The following PCDHB3 variants were observed in gnomAD, a reference collection of about 807,000 sequenced individuals.
The protein encoded by PCDHB3 is protocadherin beta 3, also known as protocadherin beta-3.
For missense variants in PCDHB3, 967 were observed against 1,012.1 expected (o/e 0.96, Z 0.60); for synonymous variants, 479 against 456.0 (o/e 1.05, Z -0.64).
Position 141,101,165 on chromosome 5 carries a change from C to A in PCDHB3, c.516C>A (p.Ile172=). 1 of 1,614,136 alleles carries A rather than the reference C, an allele frequency of 6.2e-7. No individual in the cohort carries two copies. Among genetic ancestry groups the A allele is most frequent in the Non-Finnish European group, 8.5e-7 (1 of 1,180,040 alleles). ...VGRNSLQNYT[I]TPNSHFHVLT... Reference sequence around the variant, plus strand: ...GAAACAGCCTCCAAAACTACACTATCACTCCGAATTCCCACTTCCACGTAC... The same window carrying A: ...GAAACAGCCTCCAAAACTACACTATAACTCCGAATTCCCACTTCCACGTAC... The change falls in exon 1 of 1, where the codon ATC becomes ATA. Residue 172 remains isoleucine, a synonymous_variant. Coordinates refer to ENST00000231130, the MANE Select transcript of PCDHB3 (RefSeq NM_018937.5).
chr5:141,101,940 C>G lies in PCDHB3; in HGVS notation c.1291C>G (p.Leu431Val). Reference protein sequence around the residue: ...ITITDLGTPRLKTKYNITVLV... With the variant: ...ITITDLGTPRVKTKYNITVLV... ...TATCACTGACCTGGGGACACCCAGG[C>G]TGAAAACCAAGTACAACATAACCGT... is the stretch of plus-strand genomic sequence containing the variant. The change falls in exon 1 of 1, where the codon CTG (leucine) becomes GTG (valine). Residue 431 changes from leucine (L) to valine (V), a missense_variant. Coordinates refer to ENST00000231130, the MANE Select transcript of PCDHB3 (RefSeq NM_018937.5). 1 of 1,614,044 alleles carries G rather than the reference C, an allele frequency of 6.2e-7. No homozygotes were observed. The highest frequency in any genetic ancestry group is 8.5e-7 in the Non-Finnish European group (1 of 1,180,028).
Position 141,103,255 on chromosome 5 carries a change from T to A in PCDHB3, c.*215T>A. ...GTTTTGTATTTCAATCGAGAATCCT[T>A]AGTCGATAGAACATTTTGTTTATAT... is the stretch of plus-strand genomic sequence containing the variant. On this transcript the variant is annotated 3_prime_UTR_variant, in exon 1 of 1. Coordinates refer to ENST00000231130, the MANE Select transcript of PCDHB3 (RefSeq NM_018937.5). The A allele has an allele frequency of 4.1e-6, 2 of 492,392 alleles. No individual in the cohort carries two copies. Among genetic ancestry groups the A allele is most frequent in the Middle Eastern group, 4.8e-4 (1 of 2,086 alleles). 30.5% of individuals were successfully genotyped at this position (492,392 alleles called of 1,614,324 possible). A position where few individuals can be genotyped will look rare whatever the true frequency, so the allele number is the denominator to read the frequency against.
rs1443496486 is a variant in PCDHB3 at position 141,103,466 on chromosome 5, TAG to T, written c.*433_*434del. On this transcript the variant is annotated 3_prime_UTR_variant, in exon 1 of 1. Coordinates refer to ENST00000231130, the MANE Select transcript of PCDHB3 (RefSeq NM_018937.5). ...TCAAATTTTACATTATAAAGCAATG[TAG>T]AGAGAGTTCCAAACCACCAATTTTA... is the stretch of plus-strand genomic sequence containing the variant. 3.8e-5 allele frequency: 6 copies of T among 156,900 alleles called. No homozygotes were observed. Among genetic ancestry groups the T allele is most frequent in the African/African-American group, 1.2e-4 (5 of 41,514 alleles). The allele number at this position is 156,900 out of a possible 1,614,324, so 9.7% of individuals were successfully genotyped here. A position where few individuals can be genotyped will look rare whatever the true frequency, so the allele number is the denominator to read the frequency against.
Position 141,101,073 on chromosome 5 carries a change from A to G in PCDHB3, c.424A>G (p.Ile142Val), listed in dbSNP as rs782514398. 1.2e-6 allele frequency: 2 copies of G among 1,614,202 alleles called. No homozygotes were observed. The highest frequency in any genetic ancestry group is 2.2e-5 in the South Asian group (2 of 91,082). ...CTTTGAAAATGAAATGCATCTGAAA[A>G]TCCTAGAAAGCACTCTGCCAGGAAC... ...VFFENEMHLK[I>V]LESTLPGTVI... The change falls in exon 1 of 1, where the codon ATC becomes GTC. Residue 142 changes from isoleucine (I) to valine (V), a missense_variant. By Grantham distance (29) the Ile-to-Val change is conservative. Transcript: ENST00000231130.
Position 141,100,836 on chromosome 5 carries a change from G to A in PCDHB3, c.187G>A (p.Gly63Arg). Residue 63 changes from glycine to arginine, a missense_variant, in exon 1 of 1, where the codon GGG becomes AGG. Physicochemically the swap from Gly to Arg is moderately radical, Grantham distance 125 (BLOSUM62 -2). Transcript: ENST00000231130. ...GLRVEELAARGAQVVSKGNKQ... is the reference protein window; with the variant it reads ...GLRVEELAARRAQVVSKGNKQ... Reference sequence around the variant, plus strand: ...AAGGGTAGAGGAACTGGCCGCGAGGGGGGCCCAAGTTGTGTCCAAAGGGAA... The same window carrying A: ...AAGGGTAGAGGAACTGGCCGCGAGGAGGGCCCAAGTTGTGTCCAAAGGGAA... 2 of 1,614,110 alleles carry A rather than the reference G, an allele frequency of 1.2e-6. No individual in the cohort carries two copies. Among genetic ancestry groups the A allele is most frequent in the South Asian group, 1.1e-5 (1 of 91,078 alleles).
In PCDHB3 at chr5:141,101,916, A is replaced by G. The variant is rs781952244; in HGVS notation, c.1267A>G (p.Ile423Val). 3 of 1,614,112 alleles carry G rather than the reference A, an allele frequency of 1.9e-6. No homozygotes were observed. The highest frequency in any genetic ancestry group is 1.1e-5 in the South Asian group (1 of 91,080). Reference sequence around the variant, plus strand: ...ATCCGAGTACAACATTACCATCACTATCACTGACCTGGGGACACCCAGGCT... The same window carrying G: ...ATCCGAGTACAACATTACCATCACTGTCACTGACCTGGGGACACCCAGGCT... Reference protein sequence around the residue: ...TRSEYNITITITDLGTPRLKT... With the variant: ...TRSEYNITITVTDLGTPRLKT... The change falls in exon 1 of 1, where the codon ATC becomes GTC. Residue 423 changes from isoleucine to valine, a missense_variant. Coordinates refer to ENST00000231130, the MANE Select transcript of PCDHB3 (RefSeq NM_018937.5).
chr5:141,100,539 A>G lies in PCDHB3; in HGVS notation c.-111A>G, dbSNP rs1229429918. The G allele has an allele frequency of 7.2e-6, 6 of 838,894 alleles. No individual in the cohort carries two copies. The highest frequency in any genetic ancestry group is 1.1e-5 in the Non-Finnish European group (6 of 533,128). 52.0% of individuals were successfully genotyped at this position (838,894 alleles called of 1,614,324 possible). A position where few individuals can be genotyped will look rare whatever the true frequency, so the allele number is the denominator to read the frequency against. On this transcript the variant is annotated 5_prime_UTR_variant, in exon 1 of 1. Coordinates refer to ENST00000231130, the MANE Select transcript of PCDHB3 (RefSeq NM_018937.5). The stretch of plus-strand genomic sequence containing the variant: ...AGCCAGCAAGTCTGAGCCTCTGGAA[A>G]GGCTTATTCACTAGGCCGTCTACAA...
Position 141,102,152 on chromosome 5 carries a change from T to C in PCDHB3, c.1503T>C (p.Ser501=), listed in dbSNP as rs782713272. ...LPPQDPHLPL[S]SLVSINADNG... is the part of the protein sequence containing the mutation. ...CCCAGGACCCGCACCTGCCCCTCTC[T>C]TCCCTGGTCTCCATCAACGCGGACA... The change falls in exon 1 of 1, where the codon TCT becomes TCC. Residue 501 remains serine, a synonymous_variant. Coordinates refer to ENST00000231130, the MANE Select transcript of PCDHB3 (RefSeq NM_018937.5). 45 of 1,612,840 alleles carry C rather than the reference T, an allele frequency of 2.8e-5. No homozygotes were observed. Among genetic ancestry groups the C allele is most frequent in the Admixed American group, 5.0e-5 (3 of 59,990 alleles).
chr5:141,103,076 A>T lies in PCDHB3; in HGVS notation c.*36A>T, dbSNP rs367763444. On this transcript the variant is annotated 3_prime_UTR_variant, in exon 1 of 1. Transcript: ENST00000231130. ...GGATCTACTGAGCCTCGTCTTAGTT[A>T]ATCTGTGGAAAGTCCTTTTTTACTG... 237 of 1,561,882 alleles carry T rather than the reference A, an allele frequency of 1.5e-4. No homozygotes were observed. Among genetic ancestry groups the T allele is most frequent in the Middle Eastern group, 8.7e-4 (5 of 5,778 alleles).
rs1369629257 is a variant in PCDHB3 at position 141,101,930 on chromosome 5, G to A, written c.1281G>A (p.Gly427=). The change falls in exon 1 of 1, where the codon GGG becomes GGA. Residue 427 remains glycine, a synonymous_variant. Coordinates refer to ENST00000231130, the MANE Select transcript of PCDHB3 (RefSeq NM_018937.5). ...YNITITITDL[G]TPRLKTKYNI... ...TTACCATCACTATCACTGACCTGGG[G>A]ACACCCAGGCTGAAAACCAAGTACA... 2.5e-6 allele frequency: 4 copies of A among 1,614,018 alleles called. No individual in the cohort carries two copies. Among genetic ancestry groups the A allele is most frequent in the Non-Finnish European group, 3.4e-6 (4 of 1,180,032 alleles).
In PCDHB3 at chr5:141,101,683, C is replaced by T. The variant is rs1292508094; in HGVS notation, c.1034C>T (p.Pro345Leu). ...VQVVDVNDNPPELTLSSVNSP... is the reference protein window; with the variant it reads ...VQVVDVNDNPLELTLSSVNSP... The stretch of plus-strand genomic sequence containing the variant: ...GTGGTTGATGTCAACGACAACCCAC[C>T]GGAACTGACCTTGTCTTCAGTAAAC... The change falls in exon 1 of 1, where the codon CCG (proline) becomes CTG (leucine). Residue 345 changes from proline (P) to leucine (L), a missense_variant. Pro to Leu is a moderately conservative substitution (Grantham distance 98, BLOSUM62 -3). Coordinates refer to ENST00000231130, the MANE Select transcript of PCDHB3 (RefSeq NM_018937.5). 1 of 1,613,834 alleles carries T rather than the reference C, an allele frequency of 6.2e-7. No homozygotes were observed. The highest frequency in any genetic ancestry group is 1.1e-5 in the South Asian group (1 of 91,072).
In PCDHB3 at chr5:141,102,630, C is replaced by A. The variant is rs1554272629; in HGVS notation, c.1981C>A (p.Leu661Ile). The change falls in exon 1 of 1, where the codon CTC (leucine) becomes ATC (isoleucine). Residue 661 changes from leucine (L) to isoleucine (I), a missense_variant. Coordinates refer to ENST00000231130, the MANE Select transcript of PCDHB3 (RefSeq NM_018937.5). The stretch of plus-strand genomic sequence containing the variant: ...CTCGGCCACCGCCACGCTGCATGTG[C>A]TCCTGGTGGACGGCTTCTCCCAGCC... ...PRSATATLHV[L>I]LVDGFSQPYL... 1 of 1,609,900 alleles carries A rather than the reference C, an allele frequency of 6.2e-7. No homozygotes were observed. The highest frequency in any genetic ancestry group is 1.3e-5 in the African/African-American group (1 of 74,884).
Position 141,103,078 on chromosome 5 carries a change from T to G in PCDHB3, c.*38T>G. 1 of 1,562,098 alleles carries G rather than the reference T, an allele frequency of 6.4e-7. No individual in the cohort carries two copies. Among genetic ancestry groups the G allele is most frequent in the Non-Finnish European group, 8.7e-7 (1 of 1,155,860 alleles). ...ATCTACTGAGCCTCGTCTTAGTTAATCTGTGGAAAGTCCTTTTTTACTGCT... is the reference window on the plus strand; with the variant it reads ...ATCTACTGAGCCTCGTCTTAGTTAAGCTGTGGAAAGTCCTTTTTTACTGCT... On this transcript the variant is annotated 3_prime_UTR_variant, in exon 1 of 1. Coordinates refer to ENST00000231130, the MANE Select transcript of PCDHB3 (RefSeq NM_018937.5).
Position 141,101,432 on chromosome 5 carries a change from T to C in PCDHB3, c.783T>C (p.Ile261=). 1.2e-6 allele frequency: 2 copies of C among 1,614,236 alleles called. No homozygotes were observed. Among genetic ancestry groups the C allele is most frequent in the Non-Finnish European group, 1.7e-6 (2 of 1,180,046 alleles). Reference sequence around the variant, plus strand: ...AGAATACCCCCGTTAACTCTGTCATTGTCACTGTCTCGGCTTCTGACTTAG... The same window carrying C: ...AGAATACCCCCGTTAACTCTGTCATCGTCACTGTCTCGGCTTCTGACTTAG... ...VLENTPVNSV[I]VTVSASDLDT... Residue 261 remains isoleucine (I), a synonymous_variant, in exon 1 of 1, where the codon ATT becomes ATC. Coordinates refer to ENST00000231130, the MANE Select transcript of PCDHB3 (RefSeq NM_018937.5).
Position 141,103,188 on chromosome 5 carries a change from GT to G in PCDHB3, c.*151del. On this transcript the variant is annotated 3_prime_UTR_variant, in exon 1 of 1. Coordinates refer to ENST00000231130, the MANE Select transcript of PCDHB3 (RefSeq NM_018937.5). Reference sequence around the variant, plus strand: ...AATATCAAATCCAGGGATGGCTTAGGTTTCATTAACAGTACTGGAAAGTAGT... The same window carrying G: ...AATATCAAATCCAGGGATGGCTTAGGTTCATTAACAGTACTGGAAAGTAGT... 1.1e-6 allele frequency: 1 copy of G among 890,958 alleles called. No individual in the cohort carries two copies. The highest frequency in any genetic ancestry group is 1.7e-6 in the Non-Finnish European group (1 of 585,272). The allele number at this position is 890,958 out of a possible 1,614,324, so 55.2% of individuals were successfully genotyped here.
rs1554272635 is a variant in PCDHB3 at position 141,102,657 on chromosome 5, T to A, written c.2008T>A (p.Tyr670Asn). 1 of 1,610,854 alleles carries A rather than the reference T, an allele frequency of 6.2e-7. No individual in the cohort carries two copies. Residue 670 changes from tyrosine to asparagine, a missense_variant, in exon 1 of 1, where the codon TAC becomes AAC. Tyr to Asn is a moderately radical substitution (Grantham distance 143). Coordinates refer to ENST00000231130, the MANE Select transcript of PCDHB3 (RefSeq NM_018937.5). ...VLLVDGFSQP[Y>N]LPLPEAAPAQ... Reference sequence around the variant, plus strand: ...CCTGGTGGACGGCTTCTCCCAGCCCTACCTGCCTCTCCCGGAGGCGGCACC... The same window carrying A: ...CCTGGTGGACGGCTTCTCCCAGCCCAACCTGCCTCTCCCGGAGGCGGCACC...
In PCDHB3 at chr5:141,100,492, T is replaced by C; in HGVS notation, c.-158T>C. On this transcript the variant is annotated 5_prime_UTR_variant, in exon 1 of 1. Coordinates refer to ENST00000231130, the MANE Select transcript of PCDHB3 (RefSeq NM_018937.5). ...GGATCCAGTGTGGTAAACCAGCGGT[T>C]GAGAGCCCAGGCAGATTTTTGAGCC... 1.7e-6 allele frequency: 1 copy of C among 593,324 alleles called. No individual in the cohort carries two copies. The allele number at this position is 593,324 out of a possible 1,614,324, so 36.8% of individuals were successfully genotyped here.
Position 141,102,293 on chromosome 5 carries a change from C to G in PCDHB3, c.1644C>G (p.Arg548=), listed in dbSNP as rs370431175. 5.5e-5 allele frequency: 89 copies of G among 1,611,630 alleles called. No individual in the cohort carries two copies. Among genetic ancestry groups the G allele is most frequent in the Admixed American group, 3.3e-5 (2 of 59,968 alleles). The change falls in exon 1 of 1, where the codon CGC becomes CGG. Residue 548 remains arginine (R), a synonymous_variant. Transcript: ENST00000231130. ...SPALSSEALV[R]VLVLDANDNS... is the part of the protein sequence containing the mutation. Reference sequence around the variant, plus strand: ...CTTTGAGCAGCGAGGCGCTGGTGCGCGTGCTGGTGCTGGACGCCAACGACA... The same window carrying G: ...CTTTGAGCAGCGAGGCGCTGGTGCGGGTGCTGGTGCTGGACGCCAACGACA...
In PCDHB3 at chr5:141,101,500, C is replaced by A; in HGVS notation, c.851C>A (p.Ala284Asp). Residue 284 changes from alanine (A) to aspartate (D), a missense_variant, in exon 1 of 1, where the codon GCT (alanine) becomes GAT (aspartate). Ala to Asp is a moderately radical substitution (Grantham distance 126). Coordinates refer to ENST00000231130, the MANE Select transcript of PCDHB3 (RefSeq NM_018937.5). ...FGTISYAFFH[A>D]SEEIRKTFQL... is the part of the protein sequence containing the mutation. ...ACAATATCATATGCATTTTTTCATG[C>A]TTCTGAAGAAATTCGCAAAACTTTT... is the stretch of plus-strand genomic sequence containing the variant. The A allele has an allele frequency of 6.2e-7, 1 of 1,614,096 alleles. No homozygotes were observed. Among genetic ancestry groups the A allele is most frequent in the South Asian group, 1.1e-5 (1 of 91,072 alleles).
Sources: allele counts gnomAD v4.1 joint callset, GRCh38; gene constraint gnomAD v4.1.1; transcripts MANE v1.5; gene names NCBI Gene and HGNC (gene_info 2026-07-23, HGNC 2026-07-21).